SCFD2: variants seen among roughly 807,000 people sequenced by gnomAD.
SCFD2 encodes sec1 family domain containing 2.
Under a neutral mutation model 58.9 loss-of-function variants are expected in SCFD2, and 54 were observed. The observed-to-expected ratio is 0.92, with a 90% CI of 0.74 to 1.15. The LOEUF is 1.15. SCFD2 is among the 50% of genes most tolerant of loss of function. SCFD2 has a pLI of 0.00. For missense variants in SCFD2, 805 were observed against 836.6 expected, an observed-to-expected ratio of 0.96 and a Z score of 0.47; for synonymous variants, 321 against 335.9, an observed-to-expected ratio of 0.96 and a Z score of 0.49.
rs192451717 is a variant in SCFD2, at chr4:53,345,564, A to T, written c.1007+7034T>A. ...AGATTCCTCAAGGATCTAGGAGTAG[A>T]AATACCATTTGACCCAGCAATCCCA... is the stretch of plus-strand genomic sequence containing the variant. On this transcript the variant is annotated intron_variant, in intron 2 of 8. Transcript: ENST00000401642. 2.6e-5 allele frequency among the ~76,000 whole-genome samples: 4 copies of T among 152,338 alleles called. No homozygotes were observed. The East Asian group carries it at 7.7e-4, about 29-fold the overall frequency.
intron 2 of SCFD2, among the ~76,000 whole-genome samples, chr4:53,334,682 C>T (rs551607910): frequency 2.0e-5 from 3 of 151,592 alleles, no homozygotes; most frequent in Non-Finnish European, 4.4e-5. Context: ...AGCGCACCAG[C>T]ATGGCACATG....
At chr4:53,222,463 C>T (rs972441463) in intron 4 of SCFD2, among the ~76,000 whole-genome samples, 21 of 152,250 alleles carry the variant, frequency 1.4e-4, no homozygotes, top group African/African-American at 4.3e-4. Context: ...ATTTAGAAAA[C>T]ATTAAGTGAT....
In SCFD2 at chr4:53,365,716, C is replaced by G; in HGVS notation, c.226G>C (p.Val76Leu). ...GGAKQPKAVF[V>L]LSCLLKGRTV... ...CGGCCTTTCAGCAGGCAGCTCAGCACAAACACTGCCTTGGGCTGCTTGGCT... is the reference window on the plus strand; with the variant it reads ...CGGCCTTTCAGCAGGCAGCTCAGCAGAAACACTGCCTTGGGCTGCTTGGCT... Residue 76 changes from valine (V) to leucine (L), a missense_variant, in exon 1 of 9, where the codon GTG becomes CTG. Physicochemically the swap from Val to Leu is conservative, Grantham distance 32. Transcript: ENST00000401642. The surrounding 1 kb of genome is among the most constrained non-coding windows in gnomAD (Gnocchi z 4.3). The G allele has an allele frequency of 6.2e-7, 1 of 1,614,192 alleles. No individual in the cohort carries two copies. Among genetic ancestry groups the G allele is most frequent in the Non-Finnish European group, 8.5e-7 (1 of 1,180,028 alleles).
At chr4:53,056,047 C>G (rs1723328891) in intron 5 of SCFD2, among the ~76,000 whole-genome samples, 1 of 151,868 alleles carries the variant, frequency 6.6e-6, no homozygotes, top group Non-Finnish European at 1.5e-5. Flanking sequence ...AATTATGCTG[C>G]CAGATTTTTT....
At chr4:53,286,661 C>T (rs1364988410) in intron 3 of SCFD2, among the ~76,000 whole-genome samples, 3 of 152,174 alleles carry the variant, frequency 2.0e-5, no homozygotes, top group Admixed American at 2.0e-4. Flanking sequence ...GGAAACAGAG[C>T]TTTGGCTGAG....
chr4:53,258,226 A>G (rs1343486082), intron 4 of SCFD2, among the ~76,000 whole-genome samples: 2 of 152,094 alleles, frequency 1.3e-5, no homozygotes, highest in East Asian at 3.9e-4. Context: ...GGTTACATTA[A>G]TAAGTTCTTT....
At chr4:52,896,728 T>C (rs1440611934) in intron 7 of SCFD2, among the ~76,000 whole-genome samples, 1 of 152,246 alleles carries the variant, frequency 6.6e-6, no homozygotes, top group African/African-American at 2.4e-5. Context: ...GGGGATGACA[T>C]TGAATCTATA....
intron 4 of SCFD2, among the ~76,000 whole-genome samples, chr4:53,179,608 C>T (rs930437670): frequency 2.0e-5 from 3 of 152,110 alleles, no homozygotes; most frequent in African/African-American, 4.8e-5. Context: ...AGCAAAATAA[C>T]CAGCTAACAT....
At chr4:53,227,452 T>G (rs1254438501) in intron 4 of SCFD2, among the ~76,000 whole-genome samples, 13 of 152,310 alleles carry the variant, frequency 8.5e-5, no homozygotes, top group Admixed American at 6.5e-5. Flanking sequence ...GGGATTCTTG[T>G]AAAGATGACG....
At chr4:53,055,588 A>C (rs1334741560) in intron 5 of SCFD2, among the ~76,000 whole-genome samples, 1 of 152,092 alleles carries the variant, frequency 6.6e-6, no homozygotes, top group Non-Finnish European at 1.5e-5. Flanking sequence ...ACCCTGGAGG[A>C]ACCCACAGGT....
At chr4:53,194,552 T>C (rs1728005417) in intron 4 of SCFD2, among the ~76,000 whole-genome samples, 1 of 152,188 alleles carries the variant, frequency 6.6e-6, no homozygotes, top group South Asian at 2.1e-4. Flanking sequence ...AACTAAGTTT[T>C]ACTCAGCCAA....
At chr4:53,329,489 A>T (rs1034314386) in intron 2 of SCFD2, among the ~76,000 whole-genome samples, 2 of 150,562 alleles carry the variant, frequency 1.3e-5, no homozygotes, top group Admixed American at 1.3e-4. Context: ...GGGCACACTG[A>T]CACCTCACAC....
chr4:53,343,590 CTCACT>C (rs1398061674), intron 2 of SCFD2, among the ~76,000 whole-genome samples: 6 of 152,220 alleles, frequency 3.9e-5, no homozygotes, highest in Non-Finnish European at 8.8e-5. Context: ...GGAATCCTCC[CTCACT>C]CATTTTATGA....
chr4:52,966,485 G>C (rs1203115306), intron 5 of SCFD2, among the ~76,000 whole-genome samples: 1 of 152,018 alleles, frequency 6.6e-6, no homozygotes, highest in African/African-American at 2.4e-5. Context: ...TTTAATCTCT[G>C]TTTTCAGGCT....
At chr4:52,969,440 T>G (rs180839862) in intron 5 of SCFD2, among the ~76,000 whole-genome samples, 5 of 152,314 alleles carry the variant, frequency 3.3e-5, no homozygotes, top group Admixed American at 2.6e-4. Flanking sequence ...GAATAGAATA[T>G]ACTTATGGAA....
chr4:52,903,607 C>A (rs1487745381), intron 7 of SCFD2, among the ~76,000 whole-genome samples: 14 of 152,172 alleles, frequency 9.2e-5, no homozygotes, highest in Admixed American at 8.5e-4. Flanking sequence ...GCTGAGGATG[C>A]AGAAAAGAAT....
chr4:53,320,291 GA>G (rs932193380), intron 2 of SCFD2, among the ~76,000 whole-genome samples: 2 of 152,168 alleles, frequency 1.3e-5, no homozygotes, highest in African/African-American at 4.8e-5. Context: ...GCCAATTTCT[GA>G]GATTCCTTGG....
intron 5 of SCFD2, among the ~76,000 whole-genome samples, chr4:53,089,956 T>C (rs1724424215): frequency 6.6e-6 from 1 of 152,184 alleles, no homozygotes; most frequent in Admixed American, 6.6e-5. Context: ...TTTAAAGACA[T>C]CTGTGCCAAA....
chr4:53,197,523 C>T (rs754989149), intron 4 of SCFD2, among the ~76,000 whole-genome samples: 2 of 151,974 alleles, frequency 1.3e-5, no homozygotes, highest in South Asian at 2.1e-4. Flanking sequence ...TCCCCAAAGC[C>T]TAACCTGCTT....
Sources: gnomAD v4.1 joint callset for allele counts (sites outside exome capture counted in the v4.1 genomes callset) on GRCh38, gnomAD v4.1.1 for gene constraint, Gnocchi (gnomAD v3.1) non-coding constraint, MANE v1.5 for transcripts, NCBI Gene and HGNC (gene_info 2026-07-23, HGNC 2026-07-21) for gene names.